TLK2: variants seen among roughly 807,000 people sequenced by gnomAD.
TLK2 encodes serine/threonine-protein kinase tousled-like 2.
Under a neutral mutation model 117.3 loss-of-function variants are expected in TLK2, and 6 were observed. That is an observed-to-expected ratio of 0.05 (90% CI 0.03 to 0.10). TLK2 has a LOEUF of 0.10. Among genes scored for constraint, TLK2 ranks in the 10% least tolerant of loss-of-function variants. TLK2 has a pLI of 1.00. For missense variants in TLK2, 299 were observed against 901.2 expected (o/e 0.33, Z 8.56); for synonymous variants, 257 against 316.7 (o/e 0.81, Z 2.00).
chr17:62,597,074 C>T (rs1460804814), intron 17 of TLK2: 1 of 158,240 alleles, frequency 6.3e-6, no homozygotes, highest in African/African-American at 2.4e-5. Flanking sequence ...TGGTTTGTAG[C>T]ATATTCATAG....
chr17:62,545,532 G>A (rs2077842921), intron 7 of TLK2, among the ~76,000 whole-genome samples: 1 of 151,966 alleles, frequency 6.6e-6, no homozygotes, highest in South Asian at 2.1e-4. Flanking sequence ...CAGGGGAATT[G>A]CTTGAACCCA....
intron 9 of TLK2, among the ~76,000 whole-genome samples, chr17:62,558,275 T>TC (rs1219375323): frequency 6.6e-6 from 1 of 151,746 alleles, no homozygotes; most frequent in African/African-American, 2.4e-5. Flanking sequence ...GCTCAAGCAA[T>TC]CCTCAGCCTC....
At chr17:62,490,986 T>G (rs1461174144) in intron 2 of TLK2, among the ~76,000 whole-genome samples, 2 of 152,208 alleles carry the variant, frequency 1.3e-5, no homozygotes, top group Non-Finnish European at 2.9e-5. Context: ...TTCTCCCACC[T>G]CAGCCTCCTA....
chr17:62,587,897 C>T (rs62076089), intron 16 of TLK2, among the ~76,000 whole-genome samples: 1 of 151,790 alleles, frequency 6.6e-6, no homozygotes, highest in Non-Finnish European at 1.5e-5. Flanking sequence ...GGGTGTTGGA[C>T]CAGTACATGC....
intron 20 of TLK2, 147 bp from the exon 21 acceptor site, chr17:62,607,892 TGA>T (rs1181765871): frequency 1.6e-6 from 1 of 638,080 alleles, no homozygotes; most frequent in Non-Finnish European, 2.7e-6. Context: ...ATCTATAAAG[TGA>T]GAGAACTAGA....
rs1555630562 is a variant in TLK2, at chr17:62,549,419, A to AAAAAAAAAAAAAAAAG, written c.532-2868_532-2867insGAAAAAAAAAAAAAAA. Among the ~76,000 whole-genome samples, 9 of 7,746 alleles carry AAAAAAAAAAAAAAAAG rather than the reference A, an allele frequency of 1.2e-3. 1 individual carries two copies. The highest frequency in any genetic ancestry group is 8.2e-3 in the East Asian group (1 of 122). 5.1% of individuals were successfully genotyped at this position (7,746 alleles called of 152,430 possible). A position where few individuals can be genotyped will look rare whatever the true frequency, so the allele number is the denominator to read the frequency against. On this transcript the variant is annotated intron_variant, in intron 7 of 21. Coordinates refer to ENST00000346027, the MANE Select transcript of TLK2 (RefSeq NM_006852.6). ...ATCTCAAAAAAAAAAAAAAAAAAAA[A>AAAAAAAAAAAAAAAAG]AAAAAAAAAAAAAAAAAATAGAAAC...
intron 15 of TLK2, among the ~76,000 whole-genome samples, chr17:62,581,003 T>C (rs1360805032): frequency 6.6e-6 from 1 of 152,176 alleles, no homozygotes; most frequent in African/African-American, 2.4e-5. Context: ...TTTTTTTAAA[T>C]TGTGGTTTTA....
chr17:62,496,432 A>C (rs1374939031), intron 2 of TLK2, among the ~76,000 whole-genome samples: 1 of 152,172 alleles, frequency 6.6e-6, no homozygotes, highest in Non-Finnish European at 1.5e-5. Context: ...AATCCCTAGA[A>C]GTGGAATTGC....
chr17:62,578,430 G>T, intron 13 of TLK2, 47 bp from the exon 14 acceptor site: 2 of 1,495,614 alleles, frequency 1.3e-6, no homozygotes, highest in Non-Finnish European at 1.9e-6. Context: ...ATCCCGAAAA[G>T]GTAAAGTTCC....
intron 19 of TLK2, among the ~76,000 whole-genome samples, chr17:62,605,236 A>G (rs2083194229): frequency 6.6e-6 from 1 of 152,092 alleles, no homozygotes; most frequent in Admixed American, 6.5e-5. Context: ...CTGAGGCAGG[A>G]GAATCGCTTG....
intron 2 of TLK2, among the ~76,000 whole-genome samples, chr17:62,488,675 A>G (rs1403860836): frequency 3.3e-5 from 5 of 152,148 alleles, no homozygotes; most frequent in African/African-American, 2.4e-5. Flanking sequence ...GTTTTTATTC[A>G]TAACTTGAAA....
chr17:62,539,495 A>C (rs1038527876), intron 7 of TLK2, among the ~76,000 whole-genome samples: 10 of 130,000 alleles, frequency 7.7e-5, no homozygotes. Flanking sequence ...TTTTTTTTCA[A>C]TTGAGACAGG....
upstream of TLK2, among the ~76,000 whole-genome samples, chr17:62,474,560 C>A (rs2144197052): frequency 6.6e-6 from 1 of 151,926 alleles, no homozygotes. Context: ...CAGGTGCCAG[C>A]CACCACACCC....
At chr17:62,539,202 G>T (rs1164713240) in intron 7 of TLK2, among the ~76,000 whole-genome samples, 2 of 152,090 alleles carry the variant, frequency 1.3e-5, no homozygotes, top group Admixed American at 6.5e-5. Context: ...ATTACACAAA[G>T]ATATTTATTG....
rs1257715917 is a variant in TLK2 at position 62,613,139 on chromosome 17, A to T, written c.*574A>T. The T allele has an allele frequency of 6.6e-6, 1 of 152,666 alleles. No individual in the cohort carries two copies. Among genetic ancestry groups the T allele is most frequent in the Non-Finnish European group, 1.5e-5 (1 of 68,050 alleles). The allele number at this position is 152,666 out of a possible 1,614,324, so 9.5% of individuals were successfully genotyped here. On this transcript the variant is annotated 3_prime_UTR_variant, in exon 22 of 22. Transcript: ENST00000346027. ...ATCCCTAAATAATTTCAATTTTTAA[A>T]AACATGCAGCTTCCCTCTCCCCTTT...
Position 62,489,399 on chromosome 17 carries a change from G to T in TLK2, c.81+8193G>T, listed in dbSNP as rs141200332. Among the ~76,000 whole-genome samples, 418 of 152,032 alleles carry T rather than the reference G, an allele frequency of 2.7e-3. 5 individuals are homozygous for T. Among genetic ancestry groups the T allele is most frequent in the Non-Finnish European group, 3.8e-3 (256 of 68,006 alleles). Reference sequence around the variant, plus strand: ...TTTTTTTGTATTTTTAGTAGAGATGGGGTTTCATCATGTTGGCCAGGCTGA... The same window carrying T: ...TTTTTTTGTATTTTTAGTAGAGATGTGGTTTCATCATGTTGGCCAGGCTGA... On this transcript the variant is annotated intron_variant, in intron 2 of 21. Transcript: ENST00000346027.
intron 16 of TLK2, among the ~76,000 whole-genome samples, chr17:62,586,662 A>G (rs1467665580): frequency 1.3e-5 from 2 of 152,196 alleles, no homozygotes; most frequent in Non-Finnish European, 2.9e-5. Flanking sequence ...TCTACTAAAA[A>G]TACAAAAAAT....
At chr17:62,599,676 C>A (rs1272379097) in intron 17 of TLK2, among the ~76,000 whole-genome samples, 1 of 152,222 alleles carries the variant, frequency 6.6e-6, no homozygotes, top group Non-Finnish European at 1.5e-5. Context: ...GGGTGCCTCA[C>A]TGACCAGTTT....
At chr17:62,505,745 G>A (rs1382422699) in intron 2 of TLK2, among the ~76,000 whole-genome samples, 3 of 152,056 alleles carry the variant, frequency 2.0e-5, no homozygotes, top group African/African-American at 4.8e-5. Flanking sequence ...AGGCTGGAGC[G>A]CAGTGGTGCG....
Sources: gnomAD v4.1 joint callset for allele counts (sites outside exome capture counted in the v4.1 genomes callset) on GRCh38, gnomAD v4.1.1 for gene constraint, MANE v1.5 for transcripts, NCBI Gene and HGNC (gene_info 2026-07-23, HGNC 2026-07-21) for gene names.